UTP6: variants seen among roughly 807,000 people sequenced by gnomAD.
UTP6 encodes the protein UTP6 small subunit processome component, also known as U3 small nucleolar RNA-associated protein 6 homolog.
UTP6 carries 60 observed loss-of-function variants against 96.5 expected under a neutral mutation model. The ratio of observed to expected loss-of-function variants is 0.62; its 90% confidence interval spans 0.51 to 0.77. The LOEUF is 0.77. Among genes scored for constraint, UTP6 ranks in the 30% least tolerant of loss-of-function variants. The probability of loss-of-function intolerance (pLI) is 0.00; values close to 1 mark genes in which losing one functional copy is unlikely to be tolerated. For missense variants in UTP6, 637 were observed against 706.5 expected (o/e 0.90, Z 1.12); for synonymous variants, 215 against 240.1 (o/e 0.90, Z 0.96).
In UTP6 at chr17:31,861,368, C is replaced by T. The variant is rs187338502; in HGVS notation, c.*1991G>A. On this transcript the variant is annotated 3_prime_UTR_variant, in exon 19 of 19. Coordinates refer to ENST00000261708, the MANE Select transcript of UTP6 (RefSeq NM_018428.3). ...ATGGCTCATGCCTATAATACCAGCA[C>T]TTTGGGAGGTTGAGGTAGGAGGATT... 63 of 152,242 alleles carry T rather than the reference C, an allele frequency of 4.1e-4. 1 individual carries two copies. The East Asian group carries it at 0.012, about 28-fold the overall frequency. 9.4% of individuals were successfully genotyped at this position (152,242 alleles called of 1,614,324 possible). A position where few individuals can be genotyped will look rare whatever the true frequency, so the allele number is the denominator to read the frequency against.
In UTP6 at chr17:31,863,355, A is replaced by T. The variant is rs1164379187; in HGVS notation, c.*4T>A. The T allele has an allele frequency of 1.2e-6, 2 of 1,612,148 alleles. No homozygotes were observed. The highest frequency in any genetic ancestry group is 1.7e-6 in the Non-Finnish European group (2 of 1,179,608). On this transcript the variant is annotated 3_prime_UTR_variant, in exon 19 of 19. Coordinates refer to ENST00000261708, the MANE Select transcript of UTP6 (RefSeq NM_018428.3). ...TTTCACAAAGCTGACTGTATTCTTC[A>T]TCTTCATAAATGGCCAGTCTGATGC...
At chr17:31,881,124 C>G (rs1910810354) in intron 10 of UTP6, among the ~76,000 whole-genome samples, 1 of 151,042 alleles carries the variant, frequency 6.6e-6, no homozygotes, top group African/African-American at 2.4e-5. Context: ...TGCAGTGAGT[C>G]GAGATCGCAT....
Position 31,863,152 on chromosome 17 carries a change from G to T in UTP6, c.*207C>A. 3.7e-6 allele frequency: 2 copies of T among 541,014 alleles called. No individual in the cohort carries two copies. The highest frequency in any genetic ancestry group is 6.4e-6 in the Non-Finnish European group (2 of 310,538). 33.5% of individuals were successfully genotyped at this position (541,014 alleles called of 1,614,324 possible). On this transcript the variant is annotated 3_prime_UTR_variant, in exon 19 of 19. Coordinates refer to ENST00000261708, the MANE Select transcript of UTP6 (RefSeq NM_018428.3). ...GTCCAGGAGTTCAAGACCAGCCAGG[G>T]CAACAGAGCAAGACCCAGTCTCAAT...
At chr17:31,889,467 C>G in intron 6 of UTP6, 64 bp from the exon 7 acceptor site, 2 of 1,240,018 alleles carry the variant, frequency 1.6e-6, no homozygotes, top group Non-Finnish European at 2.3e-6. Context: ...AGAAAAGAAC[C>G]AAATGATCCA....
chr17:31,871,116 A>C (rs911839854), intron 16 of UTP6, among the ~76,000 whole-genome samples: 4 of 151,042 alleles, frequency 2.6e-5, no homozygotes, highest in Admixed American at 2.0e-4. Context: ...TAGCCTCCCA[A>C]GTAGCTGGGA....
rs1598122480 is a variant in UTP6 at position 31,898,256 on chromosome 17, G to A, written c.177+1390C>T. ...TAATTTTTTTAAAAAACTGATGTTG[G>A]CCGGGCGTGGTGGCTCATGCCTGTA... On this transcript the variant is annotated intron_variant, in intron 2 of 18. Coordinates refer to ENST00000261708, the MANE Select transcript of UTP6 (RefSeq NM_018428.3). Among the ~76,000 whole-genome samples the A allele has an allele frequency of 2.6e-5, 4 of 152,214 alleles. No homozygotes were observed. In the South Asian group the frequency reaches 8.3e-4, roughly 32 times the overall value.
intron 2 of UTP6, among the ~76,000 whole-genome samples, chr17:31,899,259 T>C (rs1187391484): frequency 6.6e-6 from 1 of 152,164 alleles, no homozygotes; most frequent in African/African-American, 2.4e-5. Flanking sequence ...ATGGCACCAC[T>C]GCACTTCAGC....
chr17:31,889,476 CA>C, intron 6 of UTP6, 73 bp from the exon 7 acceptor site: 1 of 1,038,708 alleles, frequency 9.6e-7, no homozygotes, highest in Non-Finnish European at 1.4e-6. Context: ...CCAAATGATC[CA>C]ATTTTAATAC....
At position 31,887,498 on chromosome 17, in the gene UTP6, C is replaced by G. The variant is rs1254628870; in HGVS notation, c.544-185G>C. 5 of 531,980 alleles carry G rather than the reference C, an allele frequency of 9.4e-6. No individual in the cohort carries two copies. In the East Asian group the frequency reaches 1.5e-4, roughly 16 times the overall value. 33.0% of individuals were successfully genotyped at this position (531,980 alleles called of 1,614,324 possible). A position where few individuals can be genotyped will look rare whatever the true frequency, so the allele number is the denominator to read the frequency against. ...GAGTAGCTAGGATTAGAGGTGCATT[C>G]CATCACACTCAGATAATTTTTTTAT... On this transcript the variant is annotated intron_variant, in intron 7 of 18. Coordinates refer to ENST00000261708, the MANE Select transcript of UTP6 (RefSeq NM_018428.3).
At chr17:31,887,399 G>A (rs1911214343) in intron 7 of UTP6, 86 bp from the exon 8 acceptor site, 1 of 1,053,392 alleles carries the variant, frequency 9.5e-7, no homozygotes, top group Non-Finnish European at 1.4e-6. Flanking sequence ...ACCCAAGCTG[G>A]AGTGCACTGG....
chr17:31,887,224 T>C lies in UTP6; in HGVS notation c.621+12A>G, dbSNP rs776924523. 2 of 1,611,334 alleles carry C rather than the reference T, an allele frequency of 1.2e-6. No homozygotes were observed. Among genetic ancestry groups the C allele is most frequent in the East Asian group, 4.5e-5 (2 of 44,848 alleles). ...TCGTTAGCAAGTGAGAATAAAATAA[T>C]TAGAACCTTACCACATCCATACTGG... is the stretch of plus-strand genomic sequence containing the variant. On this transcript the variant is annotated intron_variant, in intron 8 of 18. Coordinates refer to ENST00000261708, the MANE Select transcript of UTP6 (RefSeq NM_018428.3).
chr17:31,901,480 C>T lies in UTP6; in HGVS notation c.92+56G>A. The T allele has an allele frequency of 1.9e-6, 3 of 1,571,466 alleles. No homozygotes were observed. In the South Asian group the frequency reaches 3.3e-5, roughly 17 times the overall value. Reference sequence around the variant, plus strand: ...CCCCACATCTAGCCCCTGCCACACACTCCCAACCTCCCCTCAGGCCGCCTC... The same window carrying T: ...CCCCACATCTAGCCCCTGCCACACATTCCCAACCTCCCCTCAGGCCGCCTC... On this transcript the variant is annotated intron_variant, in intron 1 of 18. Transcript: ENST00000261708.
chr17:31,892,418 T>C (rs1359911455), intron 5 of UTP6, 95 bp from the exon 6 acceptor site: 3 of 1,268,778 alleles, frequency 2.4e-6, no homozygotes, highest in Non-Finnish European at 3.4e-6. Context: ...AACTGTAAAA[T>C]CCAATGGAGC....
At chr17:31,898,386 C>T (rs895149259) in intron 2 of UTP6, among the ~76,000 whole-genome samples, 3 of 151,964 alleles carry the variant, frequency 2.0e-5, no homozygotes, top group Admixed American at 6.6e-5. Flanking sequence ...ATTAGCCTGG[C>T]GTGGTTGTGG....
intron 10 of UTP6, 49 bp from the exon 11 acceptor site, chr17:31,880,803 C>A (rs759924224): frequency 1.9e-6 from 3 of 1,606,748 alleles, no homozygotes; most frequent in Non-Finnish European, 1.7e-6. Context: ...GAAACTGACT[C>A]AGAATATCAG....
At chr17:31,895,315 ATTTGCTTCAAATCTTTT>A (rs1316619119) in intron 2 of UTP6, among the ~76,000 whole-genome samples, 1 of 152,186 alleles carries the variant, frequency 6.6e-6, no homozygotes, top group African/African-American at 2.4e-5. Flanking sequence ...ATTGCACTAC[ATTTGCTTCAAATCTTTT>A]TTAGAAATAA....
At chr17:31,883,425 C>G (rs973211720) in intron 10 of UTP6, among the ~76,000 whole-genome samples, 3 of 151,290 alleles carry the variant, frequency 2.0e-5, no homozygotes, top group Non-Finnish European at 4.4e-5. Flanking sequence ...AAGTGATTCT[C>G]CTGCCTCAGC....
At chr17:31,895,134 T>C in intron 2 of UTP6, 123 bp from the exon 3 acceptor site, 1 of 715,416 alleles carries the variant, frequency 1.4e-6, no homozygotes, top group Non-Finnish European at 2.2e-6. Context: ...TAATGTGCTA[T>C]CACATAATTT....
At chr17:31,883,542 C>T (rs1028376882) in intron 10 of UTP6, among the ~76,000 whole-genome samples, 10 of 151,750 alleles carry the variant, frequency 6.6e-5, no homozygotes, top group Non-Finnish European at 1.5e-4. Flanking sequence ...CTCAAACTCT[C>T]GACCTCAGGT....
Sources: gnomAD v4.1 joint callset for allele counts (sites outside exome capture counted in the v4.1 genomes callset) on GRCh38, gnomAD v4.1.1 for gene constraint, MANE v1.5 for transcripts, NCBI Gene and HGNC (gene_info 2026-07-23, HGNC 2026-07-21) for gene names.